Variants in AKT3 observed in about 807,000 individuals in gnomAD.
The protein encoded by AKT3 is AKT serine/threonine kinase 3.
In AKT3, 15 loss-of-function variants were observed where a neutral mutation model predicts 65.3. The observed-to-expected ratio is 0.23, with a 90% CI of 0.15 to 0.35. The LOEUF (loss-of-function observed/expected upper bound fraction) is 0.35. AKT3 is among the 10% of genes least tolerant of loss of function. The probability of loss-of-function intolerance (pLI) is 1.00; values close to 1 mark genes in which losing one functional copy is unlikely to be tolerated. For synonymous variants in AKT3, 206 were observed against 183.8 expected, an observed-to-expected ratio of 1.12 and a Z score of -0.98; for missense variants, 243 against 576.5, an observed-to-expected ratio of 0.42 and a Z score of 5.92.
At chr1:243,781,698 A>G (rs1690928126) in intron 2 of AKT3, among the ~76,000 whole-genome samples, 1 of 152,170 alleles carries the variant, frequency 6.6e-6, no homozygotes, top group African/African-American at 2.4e-5. Context: ...ACCTTTAGTA[A>G]GTATCTATTA....
chr1:243,711,310 G>A (rs1241368171), intron 2 of AKT3, among the ~76,000 whole-genome samples: 2 of 151,974 alleles, frequency 1.3e-5, no homozygotes, highest in African/African-American at 2.4e-5. Flanking sequence ...CCTGGGTGAC[G>A]GAGTGAGACT....
chr1:243,850,495 G>C (rs974311704), upstream of AKT3, among the ~76,000 whole-genome samples: 1 of 151,402 alleles, frequency 6.6e-6, no homozygotes, highest in Non-Finnish European at 1.5e-5. Context: ...GCGGGGAGGG[G>C]TTCTGCGGCC....
intron 3 of AKT3, among the ~76,000 whole-genome samples, chr1:243,679,714 A>C (rs569491471): frequency 1.4e-4 from 22 of 152,202 alleles, no homozygotes; most frequent in Non-Finnish European, 2.2e-4. Flanking sequence ...CTGGAGTCTA[A>C]TATCAGAATT....
chr1:243,733,023 G>A (rs945483116), intron 2 of AKT3, among the ~76,000 whole-genome samples: 6 of 152,184 alleles, frequency 3.9e-5, no homozygotes, highest in Non-Finnish European at 8.8e-5. Flanking sequence ...GAAGTACTTT[G>A]AAACCAGCTG....
chr1:243,752,648 A>G (rs1688878304), intron 2 of AKT3, among the ~76,000 whole-genome samples: 2 of 152,206 alleles, frequency 1.3e-5, no homozygotes, highest in Non-Finnish European at 2.9e-5. Context: ...AGATTTTAAA[A>G]TAACAGAAAC....
intron 3 of AKT3, among the ~76,000 whole-genome samples, chr1:243,682,505 C>T (rs1683996076): frequency 6.6e-6 from 1 of 152,112 alleles, no homozygotes; most frequent in African/African-American, 2.4e-5. Flanking sequence ...ACAAATAAAA[C>T]ACGAGGTAAG....
intron 8 of AKT3, among the ~76,000 whole-genome samples, chr1:243,578,664 C>T (rs1373053624): frequency 6.6e-6 from 1 of 152,122 alleles, no homozygotes; most frequent in African/African-American, 2.4e-5. Flanking sequence ...CCTGCACATC[C>T]TGCACATGTA....
intron 9 of AKT3, among the ~76,000 whole-genome samples, chr1:243,566,698 T>C (rs1674186458): frequency 6.6e-6 from 1 of 152,164 alleles, no homozygotes; most frequent in Admixed American, 6.5e-5. Flanking sequence ...CAATTTCATC[T>C]ATAAAACAAA....
At chr1:243,706,741 T>C (rs1685830220) in intron 2 of AKT3, among the ~76,000 whole-genome samples, 1 of 152,138 alleles carries the variant, frequency 6.6e-6, no homozygotes, top group Admixed American at 6.6e-5. Flanking sequence ...AAAGGAAACA[T>C]GAATGTCCTC....
intron 9 of AKT3, among the ~76,000 whole-genome samples, chr1:243,564,577 G>A (rs1451560168): frequency 6.6e-6 from 1 of 152,058 alleles, no homozygotes; most frequent in Non-Finnish European, 1.5e-5. Context: ...ATGTAAGAGA[G>A]GAGGAATTTG....
At chr1:243,806,048 T>C (rs528941555) in intron 2 of AKT3, among the ~76,000 whole-genome samples, 1 of 152,102 alleles carries the variant, frequency 6.6e-6, no homozygotes, top group Non-Finnish European at 1.5e-5. Flanking sequence ...CTTCCTATTT[T>C]CTATTGCCTA....
chr1:243,722,078 GT>G (rs779620985), intron 2 of AKT3, among the ~76,000 whole-genome samples: 11 of 152,090 alleles, frequency 7.2e-5, no homozygotes, highest in Non-Finnish European at 1.6e-4. Context: ...ATACATTTCA[GT>G]TTTACAGTCA....
intron 2 of AKT3, among the ~76,000 whole-genome samples, chr1:243,712,301 TGA>T (rs1020315652): frequency 6.6e-6 from 1 of 152,112 alleles, no homozygotes; most frequent in Non-Finnish European, 1.5e-5. Flanking sequence ...AAACTGACGG[TGA>T]GAGAGAAAGT....
In AKT3 at chr1:243,806,526, A is replaced by G. The variant is rs570972932; in HGVS notation, c.46+36599T>C. ...TCATTTAGCATTTTGGTTTCCTGCC[A>G]CAAATATACTTCCATCTTTACATGC... On this transcript the variant is annotated intron_variant, in intron 2 of 13. Transcript: ENST00000673466. Among the ~76,000 whole-genome samples, 85 of 152,342 alleles carry G rather than the reference A, an allele frequency of 5.6e-4. 1 individual carries two copies. The highest frequency in any genetic ancestry group is 1.8e-3 in the African/African-American group (76 of 41,578).
chr1:243,543,520 G>C (rs1672457420), intron 12 of AKT3, among the ~76,000 whole-genome samples: 1 of 152,056 alleles, frequency 6.6e-6, no homozygotes, highest in African/African-American at 2.4e-5. Context: ...TTTAGTTGTA[G>C]CTTATTATTA....
chr1:243,528,512 CCT>C (rs943177806), intron 12 of AKT3, among the ~76,000 whole-genome samples: 1 of 152,100 alleles, frequency 6.6e-6, no homozygotes, highest in Non-Finnish European at 1.5e-5. Flanking sequence ...GTCTGCTCTT[CCT>C]CTCTTTGTGT....
intron 2 of AKT3, among the ~76,000 whole-genome samples, chr1:243,833,011 G>A (rs939582200): frequency 6.6e-6 from 1 of 152,120 alleles, no homozygotes; most frequent in Admixed American, 6.6e-5. Flanking sequence ...TGTAAATCCA[G>A]CACTTTGGGA....
chr1:243,488,897 C>G, intron 13 of AKT3: 1 of 1,475,596 alleles, frequency 6.8e-7, no homozygotes, highest in South Asian at 1.2e-5. Context: ...TCAGGGTCAC[C>G]CTAGGCGTCC....
intron 6 of AKT3, among the ~76,000 whole-genome samples, chr1:243,622,111 T>C (rs1316061380): frequency 6.6e-6 from 1 of 152,162 alleles, no homozygotes. Flanking sequence ...CTTACAAACA[T>C]CCTACACCAT....
Sources: gnomAD v4.1 joint callset for allele counts (sites outside exome capture counted in the v4.1 genomes callset) on GRCh38, gnomAD v4.1.1 for gene constraint, MANE v1.5 for transcripts, NCBI Gene and HGNC (gene_info 2026-07-23, HGNC 2026-07-21) for gene names.